Variants in ITGA7 observed in about 807,000 individuals in gnomAD.
The protein encoded by ITGA7 is integrin alpha-7.
ITGA7 carries 84 observed loss-of-function variants against 131.6 expected under a neutral mutation model. The observed-to-expected ratio is 0.64, with a 90% CI of 0.54 to 0.77. The LOEUF is 0.77. Among genes scored for constraint, ITGA7 ranks in the 30% least tolerant of loss-of-function variants. The probability of loss-of-function intolerance (pLI) is 0.00; values close to 1 mark genes in which losing one functional copy is unlikely to be tolerated. For synonymous variants in ITGA7, 548 were observed against 600.7 expected (o/e 0.91, Z 1.28); for missense variants, 1,399 against 1,482.9 (o/e 0.94, Z 0.93).
chr12:55,703,132 C>T lies in ITGA7; in HGVS notation c.253G>A (p.Ala85Thr), dbSNP rs1298182902. 2.5e-6 allele frequency: 4 copies of T among 1,613,292 alleles called. No homozygotes were observed. Among genetic ancestry groups the T allele is most frequent in the Non-Finnish European group, 3.4e-6 (4 of 1,180,024 alleles). ...PQALALPGQQ[A>T]NRTGGLFACP... ...GCGAAGAGGCCTCCAGTGCGATTCG[C>T]CTGCTGCCCAGGAAGAGCCAGGGCC... The change falls in exon 2 of 25, where the codon GCG (alanine) becomes ACG (threonine). Residue 85 changes from alanine to threonine, a missense_variant. Coordinates refer to ENST00000257879, the MANE Select transcript of ITGA7 (RefSeq NM_002206.3).
chr12:55,706,025 G>A (rs1433944980), intron 1 of ITGA7, among the ~76,000 whole-genome samples: 3 of 152,208 alleles, frequency 2.0e-5, no homozygotes, highest in Non-Finnish European at 4.4e-5. Context: ...GAGGCAGTCA[G>A]GCCCTCTGGG....
rs201088601 is a variant in ITGA7, at chr12:55,693,237, C to A, written c.2616G>T (p.Gly872=). Residue 872 remains glycine, a synonymous_variant, in exon 20 of 25, where the codon GGG becomes GGT. Transcript: ENST00000257879. The part of the protein sequence containing the change: ...NIMWPHEIAN[G]KWLLYPMQVE... ...CCTGCATTGGGTACAGCAACCACTTCCCATTGGCAATCTCATGAGGCCACA... is the reference window on the plus strand; with the variant it reads ...CCTGCATTGGGTACAGCAACCACTTACCATTGGCAATCTCATGAGGCCACA... 3 of 1,614,120 alleles carry A rather than the reference C, an allele frequency of 1.9e-6. No individual in the cohort carries two copies. In the East Asian group the frequency reaches 6.7e-5, roughly 36 times the overall value.
rs1565617596 is a variant in ITGA7, at chr12:55,692,898, GGGCTCCTGCCGCTCACCA to G, written c.2772_2789del (p.Gly925_Pro930del). On this transcript the variant is annotated inframe_deletion, in exon 21 of 25. Coordinates refer to ENST00000257879, the MANE Select transcript of ITGA7 (RefSeq NM_002206.3). ...AGGACACTGGCCACCAGGACATGCTGGGCTCCTGCCGCTCACCAGGCTCCTGCTGCTCAGGTGGCTCCA... is the reference window on the plus strand; with the variant it reads ...AGGACACTGGCCACCAGGACATGCTGGGCTCCTGCTGCTCAGGTGGCTCCA... 6.2e-7 allele frequency: 1 copy of G among 1,614,102 alleles called. No individual in the cohort carries two copies. The highest frequency in any genetic ancestry group is 1.7e-5 in the Admixed American group (1 of 60,016).
intron 3 of ITGA7, among the ~76,000 whole-genome samples, chr12:55,702,241 G>A (rs975076455): frequency 3.3e-5 from 5 of 151,318 alleles, no homozygotes; most frequent in Non-Finnish European, 7.4e-5. Context: ...GCGCAGTGGC[G>A]CGATCTCAGC....
At chr12:55,693,992 C>A in intron 19 of ITGA7, 29 bp downstream of exon 19, 1 of 1,561,572 alleles carries the variant, frequency 6.4e-7, no homozygotes, top group East Asian at 2.3e-5. Flanking sequence ...GGAGGGTGAC[C>A]ATGGAGGGGC....
At position 55,707,829 on chromosome 12, in the gene ITGA7, C is replaced by CCCGCCCGCCGCT. The variant is rs1875569534; in HGVS notation, c.-159_-148dup. ...GACGTTCGCCCCGCCAGCCCTCCCGCCCGCCCGCCGCTCCGCCACCCCGCC... is the reference window on the plus strand; with the variant it reads ...GACGTTCGCCCCGCCAGCCCTCCCGCCCGCCCGCCGCTCCGCCCGCCGCTCCGCCACCCCGCC... On this transcript the variant is annotated 5_prime_UTR_variant, in exon 1 of 25. Coordinates refer to ENST00000257879, the MANE Select transcript of ITGA7 (RefSeq NM_002206.3). The CCCGCCCGCCGCT allele has an allele frequency of 1.4e-6, 2 of 1,469,308 alleles. No individual in the cohort carries two copies. The highest frequency in any genetic ancestry group is 1.4e-5 in the South Asian group (1 of 73,894). 91.0% of individuals were successfully genotyped at this position (1,469,308 alleles called of 1,614,324 possible).
chr12:55,685,496 C>A (rs1184084009), intron 24 of ITGA7, among the ~76,000 whole-genome samples: 1 of 152,152 alleles, frequency 6.6e-6, no homozygotes, highest in African/African-American at 2.4e-5. Context: ...AGAGAGAGAC[C>A]AGAAGGGCGT....
At position 55,707,878 on chromosome 12, in the gene ITGA7, T is replaced by C; in HGVS notation, c.-196A>G. On this transcript the variant is annotated 5_prime_UTR_variant, in exon 1 of 25. Transcript: ENST00000257879. Reference sequence around the variant, plus strand: ...CCGCCCCAGCACCGGCTAGGACAACTACAGCAGCCGCAGCTCCGGCGCCCA... The same window carrying C: ...CCGCCCCAGCACCGGCTAGGACAACCACAGCAGCCGCAGCTCCGGCGCCCA... 7.2e-7 allele frequency: 1 copy of C among 1,394,162 alleles called. No homozygotes were observed. Among genetic ancestry groups the C allele is most frequent in the Non-Finnish European group, 9.2e-7 (1 of 1,086,256 alleles). 86.4% of individuals were successfully genotyped at this position (1,394,162 alleles called of 1,614,324 possible). A position where few individuals can be genotyped will look rare whatever the true frequency, so the allele number is the denominator to read the frequency against.
chr12:55,689,060 G>T (rs1393126224), intron 21 of ITGA7, 103 bp from the exon 22 acceptor site: 7 of 846,702 alleles, frequency 8.3e-6, no homozygotes, highest in Non-Finnish European at 1.4e-5. Flanking sequence ...CCCTCCTCCA[G>T]GAAGTCTTCT....
At chr12:55,706,667 G>A (rs1005709728) in intron 1 of ITGA7, among the ~76,000 whole-genome samples, 12 of 152,248 alleles carry the variant, frequency 7.9e-5, no homozygotes, top group South Asian at 2.1e-4. Flanking sequence ...CATGGGTCCT[G>A]AACTGATTAG....
At chr12:55,715,661 A>G (rs960733778), upstream of ITGA7, among the ~76,000 whole-genome samples, 4 of 152,172 alleles carry the variant, frequency 2.6e-5, no homozygotes, top group Non-Finnish European at 5.9e-5. Context: ...AGTGAGAAGA[A>G]AGAGGGTTGG....
chr12:55,702,886 C>T lies in ITGA7; in HGVS notation c.400G>A (p.Gly134Arg), dbSNP rs775013230. The change falls in exon 3 of 25, where the codon GGG becomes AGG. Residue 134 changes from glycine (G) to arginine (R), a missense_variant. By Grantham distance (125) the Gly-to-Arg change is moderately radical. Transcript: ENST00000257879. ...LGVSVRSQGP[G>R]GKIVTCAHRY... ...GCAATACTCACAACAATCTTGCCCC[C>T]AGGCCCCTGGCTCCGAACACTGACT... 1 of 1,613,084 alleles carries T rather than the reference C, an allele frequency of 6.2e-7. No individual in the cohort carries two copies. Among genetic ancestry groups the T allele is most frequent in the South Asian group, 1.1e-5 (1 of 91,080 alleles).
upstream of ITGA7, among the ~76,000 whole-genome samples, chr12:55,711,610 C>T (rs951929987): frequency 2.0e-5 from 3 of 151,814 alleles, no homozygotes; most frequent in Non-Finnish European, 4.4e-5. Context: ...GCCTGGGCAA[C>T]AGAGTGAGAC....
rs1205937184 is a variant in ITGA7, at chr12:55,698,493, T to A, written c.1082A>T (p.Gln361Leu). Residue 361 changes from glutamine to leucine, a missense_variant, in exon 7 of 25, where the codon CAG becomes CTG. By Grantham distance (113) the Gln-to-Leu change is moderately radical. Transcript: ENST00000257879. The stretch of plus-strand genomic sequence containing the variant: ...GGAGATCCCAGCCCAGTGACCCCCC[T>A]GGTTCAAGTACACATACACAGCACC... ...LGGAVYVYLN[Q>L]GGHWAGISPL... 1 of 1,613,882 alleles carries A rather than the reference T, an allele frequency of 6.2e-7. No individual in the cohort carries two copies. Among genetic ancestry groups the A allele is most frequent in the South Asian group, 1.1e-5 (1 of 91,064 alleles).
Position 55,697,291 on chromosome 12 carries a change from G to C in ITGA7, c.1506-14C>G. On this transcript the variant is annotated splice_polypyrimidine_tract_variant and intron_variant, in intron 10 of 24. Coordinates refer to ENST00000257879, the MANE Select transcript of ITGA7 (RefSeq NM_002206.3). ...CTTAGGTCCACACTGCGGGGGCAAA[G>C]GTGGCTCCTGAGCCAAACGAGGCTG... 6.3e-7 allele frequency: 1 copy of C among 1,589,944 alleles called. No homozygotes were observed. The highest frequency in any genetic ancestry group is 8.6e-7 in the Non-Finnish European group (1 of 1,168,192).
At chr12:55,699,761 T>A in intron 5 of ITGA7, 109 bp downstream of exon 5, 1 of 1,328,078 alleles carries the variant, frequency 7.5e-7, no homozygotes, top group Non-Finnish European at 1.1e-6. Context: ...TCTCCCTGGG[T>A]GTGTGTTGGG....
chr12:55,710,115 C>T (rs1288322299), upstream of ITGA7, among the ~76,000 whole-genome samples: 2 of 152,230 alleles, frequency 1.3e-5, no homozygotes. Flanking sequence ...AATCCCAGCA[C>T]TTTGGGAGGC....
At position 55,694,264 on chromosome 12, in the gene ITGA7, G is replaced by A. The variant is rs765292707; in HGVS notation, c.2424C>T (p.Ser808=). The part of the protein sequence containing the change: ...RARVFIELPL[S]IAGMAIPQQL... ...CCTTGGGCCAGGCTCACCCTGCAAT[G>A]GACAGTGGCAGCTCAATGAAGACAC... The change falls in exon 18 of 25, where the codon TCC becomes TCT. Residue 808 remains serine (S), a synonymous_variant. Coordinates refer to ENST00000257879, the MANE Select transcript of ITGA7 (RefSeq NM_002206.3). The surrounding 1 kb of genome is among the most constrained non-coding windows in gnomAD (Gnocchi z 5.3). The A allele has an allele frequency of 6.2e-7, 1 of 1,614,088 alleles. No individual in the cohort carries two copies. The highest frequency in any genetic ancestry group is 1.1e-5 in the South Asian group (1 of 91,084).
At chr12:55,685,312 A>G in intron 24 of ITGA7, 24 bp from the exon 25 acceptor site, 1 of 1,608,508 alleles carries the variant, frequency 6.2e-7, no homozygotes, top group Non-Finnish European at 8.5e-7. Flanking sequence ...AGGCCAGACC[A>G]TGAGGAGCCT....
Sources: allele counts gnomAD v4.1 joint callset (sites outside exome capture counted in the v4.1 genomes callset), GRCh38; gene constraint gnomAD v4.1.1; non-coding constraint Gnocchi (gnomAD v3.1); transcripts MANE v1.5; gene names NCBI Gene and HGNC (gene_info 2026-07-23, HGNC 2026-07-21).